GOT1: variants seen among roughly 807,000 people sequenced by gnomAD.
The protein encoded by GOT1 is aspartate aminotransferase, cytoplasmic.
A neutral mutation model predicts 48.2 loss-of-function variants in GOT1; 25 were observed. The observed-to-expected ratio is 0.52, with a 90% CI of 0.38 to 0.72. The LOEUF is 0.72. Among genes scored for constraint, GOT1 ranks in the 30% least tolerant of loss-of-function variants. GOT1 has a pLI of 0.00. For synonymous variants in GOT1, 188 were observed against 193.8 expected (o/e 0.97, Z 0.25); for missense variants, 380 against 520.1 (o/e 0.73, Z 2.62).
Position 99,405,768 on chromosome 10 carries a change from A to C in GOT1, c.630T>G (p.Ala210=). Residue 210 remains alanine (A), a synonymous_variant, in exon 5 of 9, where the codon GCT becomes GCG. Transcript: ENST00000370508. The part of the protein sequence containing the change: ...DPTPEQWKQI[A]SVMKHRFLFP... ...AAGGGGCAGTTACCTTCATGACAGA[A>C]GCAATCTGCTTCCACTGCTCCGGAG... is the stretch of plus-strand genomic sequence containing the variant. 1 of 1,566,708 alleles carries C rather than the reference A, an allele frequency of 6.4e-7. No homozygotes were observed. Among genetic ancestry groups the C allele is most frequent in the Non-Finnish European group, 8.8e-7 (1 of 1,136,734 alleles).
intron 8 of GOT1, among the ~76,000 whole-genome samples, chr10:99,401,457 C>T (rs1169400799): frequency 6.6e-6 from 1 of 152,176 alleles, no homozygotes; most frequent in Non-Finnish European, 1.5e-5. Context: ...CAAACCAAGC[C>T]AGCCACACAT....
intron 1 of GOT1, among the ~76,000 whole-genome samples, chr10:99,423,380 T>C (rs1356053270): frequency 6.6e-6 from 1 of 152,218 alleles, no homozygotes; most frequent in African/African-American, 2.4e-5. Context: ...ATGAGTGTTT[T>C]CTTAGGAAAA....
At position 99,403,882 on chromosome 10, in the gene GOT1, G is replaced by C; in HGVS notation, c.643-8C>G. On this transcript the variant is annotated splice_region_variant and splice_polypyrimidine_tract_variant and intron_variant, in intron 5 of 8. Transcript: ENST00000370508. ...GGGGAACAGAAACCGGTGCTGCGGG[G>C]AAGCAAAGTGAGTCAGGGCAGGAAA... is the stretch of plus-strand genomic sequence containing the variant. The C allele has an allele frequency of 1.2e-6, 2 of 1,613,018 alleles. No individual in the cohort carries two copies. The highest frequency in any genetic ancestry group is 2.2e-5 in the South Asian group (2 of 91,024).
chr10:99,418,741 A>G (rs1232973805), intron 2 of GOT1, among the ~76,000 whole-genome samples: 1 of 151,946 alleles, frequency 6.6e-6, no homozygotes, highest in Admixed American at 6.6e-5. Context: ...GAGCTCAAGT[A>G]ATCTGCCCAC....
intron 2 of GOT1, among the ~76,000 whole-genome samples, chr10:99,419,860 T>C (rs2032944856): frequency 6.6e-6 from 1 of 152,134 alleles, no homozygotes. Flanking sequence ...CCCCTCTGAA[T>C]TCCTACAACA....
intron 2 of GOT1, among the ~76,000 whole-genome samples, chr10:99,414,435 T>C (rs1006525468): frequency 1.2e-4 from 19 of 152,266 alleles, no homozygotes; most frequent in Admixed American, 1.2e-3. Flanking sequence ...CCCAGATTCA[T>C]AAAGCAAGTC....
chr10:99,402,117 T>A (rs935137259), intron 8 of GOT1, among the ~76,000 whole-genome samples: 15 of 152,174 alleles, frequency 9.9e-5, no homozygotes, highest in Admixed American at 9.2e-4. Context: ...CCAATCTAGG[T>A]TCTTGTTTAT....
At chr10:99,425,370 A>C (rs1390005262) in intron 1 of GOT1, among the ~76,000 whole-genome samples, 2 of 152,224 alleles carry the variant, frequency 1.3e-5, no homozygotes, top group Admixed American at 6.5e-5. Context: ...TAACCACTGA[A>C]AGCATTTAAG....
At chr10:99,398,156 T>C (rs2032624070) in intron 8 of GOT1, among the ~76,000 whole-genome samples, 1 of 152,196 alleles carries the variant, frequency 6.6e-6, no homozygotes, top group Non-Finnish European at 1.5e-5. Flanking sequence ...AGGTACCTGA[T>C]CAATCCTGTG....
chr10:99,414,892 C>A (rs1162789349), intron 2 of GOT1, among the ~76,000 whole-genome samples: 3 of 151,826 alleles, frequency 2.0e-5, no homozygotes, highest in Non-Finnish European at 2.9e-5. Context: ...TTTGAAACCA[C>A]CGAGAACAAA....
At chr10:99,423,782 G>A (rs1279793952) in intron 1 of GOT1, among the ~76,000 whole-genome samples, 1 of 151,992 alleles carries the variant, frequency 6.6e-6, no homozygotes, top group Non-Finnish European at 1.5e-5. Context: ...CCATGTAGCT[G>A]AGACCAAAGT....
chr10:99,400,500 T>C (rs2032658819), intron 8 of GOT1, among the ~76,000 whole-genome samples: 1 of 151,332 alleles, frequency 6.6e-6, no homozygotes, highest in Non-Finnish European at 1.5e-5. Flanking sequence ...TAGCCGGGCA[T>C]GGTGGTTCAC....
intron 1 of GOT1, among the ~76,000 whole-genome samples, chr10:99,423,427 C>T (rs909534382): frequency 1.3e-5 from 2 of 152,098 alleles, no homozygotes; most frequent in Non-Finnish European, 2.9e-5. Context: ...ACAGGATATA[C>T]AGTAAAAAGA....
At chr10:99,399,072 G>C (rs1262800224) in intron 8 of GOT1, among the ~76,000 whole-genome samples, 2 of 152,186 alleles carry the variant, frequency 1.3e-5, no homozygotes, top group African/African-American at 4.8e-5. Flanking sequence ...GACATATTTT[G>C]AGATGGCTGT....
At chr10:99,401,767 T>C (rs1244502419) in intron 8 of GOT1, among the ~76,000 whole-genome samples, 5 of 152,022 alleles carry the variant, frequency 3.3e-5, no homozygotes, top group Non-Finnish European at 5.9e-5. Context: ...GACCACCTAC[T>C]AGATTTTCAA....
At chr10:99,401,969 G>A (rs370671844) in intron 8 of GOT1, among the ~76,000 whole-genome samples, 5 of 151,676 alleles carry the variant, frequency 3.3e-5, no homozygotes, top group Admixed American at 6.6e-5. Flanking sequence ...CACCACGCCC[G>A]GCTAATTTTT....
chr10:99,409,516 C>T (rs2032805065), intron 2 of GOT1, among the ~76,000 whole-genome samples: 1 of 152,034 alleles, frequency 6.6e-6, no homozygotes, highest in Non-Finnish European at 1.5e-5. Flanking sequence ...TGCTAAAAGA[C>T]AACAAAAGGG....
intron 2 of GOT1, among the ~76,000 whole-genome samples, chr10:99,410,753 C>T (rs755032400): frequency 2.0e-4 from 30 of 152,172 alleles, no homozygotes; most frequent in Non-Finnish European, 3.8e-4. Flanking sequence ...GCAAATTGTC[C>T]TACAGCCTAA....
intron 2 of GOT1, among the ~76,000 whole-genome samples, chr10:99,413,275 G>A (rs1847370421): frequency 6.6e-6 from 1 of 152,192 alleles, no homozygotes; most frequent in Non-Finnish European, 1.5e-5. Flanking sequence ...ACCATGGCAC[G>A]AGAACTACAT....
Sources: gnomAD v4.1 joint callset for allele counts (sites outside exome capture counted in the v4.1 genomes callset) on GRCh38, gnomAD v4.1.1 for gene constraint, MANE v1.5 for transcripts, NCBI Gene and HGNC (gene_info 2026-07-23, HGNC 2026-07-21) for gene names.